Variants in ST6GALNAC1 observed in about 807,000 individuals in gnomAD.
The protein encoded by ST6GALNAC1 is ST6 N-acetylgalactosaminide alpha-2,6-sialyltransferase 1, also known as alpha-N-acetylgalactosaminide alpha-2,6-sialyltransferase 1.
A neutral mutation model predicts 56.8 loss-of-function variants in ST6GALNAC1; 45 were observed. That is an observed-to-expected ratio of 0.79 (90% CI 0.62 to 1.02). ST6GALNAC1 has a LOEUF of 1.02. Among genes scored for constraint, ST6GALNAC1 ranks in the 50% least tolerant of loss-of-function variants. The pLI, the probability that ST6GALNAC1 is intolerant of heterozygous loss-of-function variation, is 0.00. For missense variants in ST6GALNAC1, 743 were observed against 754.8 expected (o/e 0.98, Z 0.18); for synonymous variants, 295 against 297.8 (o/e 0.99, Z 0.10).
At chr17:76,620,953 A>G (rs1322375631), downstream of ST6GALNAC1, among the ~76,000 whole-genome samples, 1 of 152,016 alleles carries the variant, frequency 6.6e-6, no homozygotes, top group East Asian at 1.9e-4. Flanking sequence ...AATTTGTCCT[A>G]AGGCTGCCTC....
At chr17:76,619,696 T>C in the ST6GALNAC1 span, among the ~76,000 whole-genome samples, 1 of 152,034 alleles carries the variant, frequency 6.6e-6, no homozygotes, top group Non-Finnish European at 1.5e-5. Context: ...GAAATATTGT[T>C]TTGCCCATTC....
intron 1 of ST6GALNAC1, among the ~76,000 whole-genome samples, chr17:76,640,949 C>A (rs1267033349): frequency 1.3e-5 from 2 of 152,102 alleles, no homozygotes; most frequent in African/African-American, 4.8e-5. Flanking sequence ...CTCTAAGAAA[C>A]AAAAAGAGGT....
At chr17:76,639,671 ACACACAC>A in intron 1 of ST6GALNAC1, among the ~76,000 whole-genome samples, 1 of 149,544 alleles carries the variant, frequency 6.7e-6, no homozygotes, top group African/African-American at 2.5e-5. Context: ...ACACACACAC[ACACACAC>A]ACACACACAC....
At chr17:76,643,203 A>G (rs2076071814) in intron 1 of ST6GALNAC1, among the ~76,000 whole-genome samples, 1 of 152,224 alleles carries the variant, frequency 6.6e-6, no homozygotes, top group Admixed American at 6.5e-5. Flanking sequence ...CAGAGGGGAA[A>G]GCAGTCATGT....
In ST6GALNAC1 at chr17:76,625,463, G is replaced by T; in HGVS notation, c.1670C>A (p.Ser557Ter). Residue 557 changes from serine (S) to a stop codon, truncating the protein, a stop_gained, in exon 9 of 9, where the codon TCA (serine) becomes TAA (stop). Transcript: ENST00000156626. LOFTEE classifies it low-confidence loss of function (END_TRUNC). ...ERFSDHYYDTSWKRLIFYINH... is the reference protein window; with the variant it reads ...ERFSDHYYDT ...TATGTAAAAGATCAGCCGCTTCCAT[G>T]ATGTATCATAGTAGTGATCAGAAAA... 2 of 1,614,194 alleles carry T rather than the reference G, an allele frequency of 1.2e-6. No homozygotes were observed. Among genetic ancestry groups the T allele is most frequent in the Non-Finnish European group, 8.5e-7 (1 of 1,180,040 alleles).
At chr17:76,617,722 G>T in the ST6GALNAC1 span, among the ~76,000 whole-genome samples, 1 of 150,074 alleles carries the variant, frequency 6.7e-6, no homozygotes, top group African/African-American at 2.5e-5. Flanking sequence ...AGTGAGCTGC[G>T]ATCACGCCAC....
In ST6GALNAC1 at chr17:76,627,587, T is replaced by G; in HGVS notation, c.832-4A>C. ...TCTTCACAGAGTCAGGGCAAGTCTA[T>G]ATACAGGAGGACGAAGTCAGGAAGG... On this transcript the variant is annotated splice_region_variant and splice_polypyrimidine_tract_variant and intron_variant, in intron 2 of 8. Coordinates refer to ENST00000156626, the MANE Select transcript of ST6GALNAC1 (RefSeq NM_018414.5). The surrounding 1 kb of genome is among the most constrained non-coding windows in gnomAD (Gnocchi z 4.4). 1 of 1,613,548 alleles carries G rather than the reference T, an allele frequency of 6.2e-7. No individual in the cohort carries two copies. Among genetic ancestry groups the G allele is most frequent in the Non-Finnish European group, 8.5e-7 (1 of 1,179,760 alleles).
chr17:76,631,504 A>G (rs1474018759), intron 1 of ST6GALNAC1, among the ~76,000 whole-genome samples: 1 of 152,198 alleles, frequency 6.6e-6, no homozygotes, highest in Non-Finnish European at 1.5e-5. Context: ...AAGGAACCCA[A>G]GAGCAGGAAG....
chr17:76,642,343 G>C (rs2076060525), intron 1 of ST6GALNAC1, among the ~76,000 whole-genome samples: 1 of 152,154 alleles, frequency 6.6e-6, no homozygotes, highest in Admixed American at 6.6e-5. Flanking sequence ...TACTAGCAGG[G>C]TGACCTTGGG....
chr17:76,627,653 G>C lies in ST6GALNAC1; in HGVS notation c.832-70C>G, dbSNP rs976728978. ...GCCATCGGCCAGGGGCTGCACCACT[G>C]CAGCAAGGGCTGGGGCTCGCAGTTT... On this transcript the variant is annotated intron_variant, in intron 2 of 8. Transcript: ENST00000156626. The surrounding 1 kb of genome is among the most constrained non-coding windows in gnomAD (Gnocchi z 4.4). 5.4e-6 allele frequency: 8 copies of C among 1,470,584 alleles called. No homozygotes were observed. The highest frequency in any genetic ancestry group is 7.5e-6 in the Non-Finnish European group (8 of 1,071,864). 91.1% of individuals were successfully genotyped at this position (1,470,584 alleles called of 1,614,324 possible).
At chr17:76,639,296 G>T (rs1359261725) in intron 1 of ST6GALNAC1, among the ~76,000 whole-genome samples, 3 of 152,164 alleles carry the variant, frequency 2.0e-5, no homozygotes. Flanking sequence ...GACAATGCCG[G>T]CCGGGTGCGG....
chr17:76,619,252 A>C, the ST6GALNAC1 span, among the ~76,000 whole-genome samples: 1 of 152,206 alleles, frequency 6.6e-6, no homozygotes, highest in South Asian at 2.1e-4. Context: ...GGTTGCTTAT[A>C]GTGAAGAATG....
chr17:76,627,476 A>G lies in ST6GALNAC1; in HGVS notation c.939T>C (p.Ser313=), dbSNP rs1567953440. ...LFLDSRHFNQ[S]EWDRLEHFAP... ...CAAAGTGTTCCAGGCGGTCCCACTC[A>G]CTCTGGTTGAAGTGTCTGGAGTCCA... The change falls in exon 3 of 9, where the codon AGT becomes AGC. Residue 313 remains serine, a synonymous_variant. Transcript: ENST00000156626. This position sits in a 1 kb window ranked among gnomAD's most constrained non-coding sequence, Gnocchi z 4.4. 3 of 1,613,998 alleles carry G rather than the reference A, an allele frequency of 1.9e-6. No homozygotes were observed. Among genetic ancestry groups the G allele is most frequent in the Middle Eastern group, 3.3e-4 (2 of 6,060 alleles).
chr17:76,622,379 A>ATTT (rs1271722629), downstream of ST6GALNAC1, among the ~76,000 whole-genome samples: 6 of 150,492 alleles, frequency 4.0e-5, no homozygotes, highest in Non-Finnish European at 2.9e-5. Context: ...TATTATTATT[A>ATTT]TTTTGAGACA....
At chr17:76,642,880 C>T (rs2076066085) in intron 1 of ST6GALNAC1, among the ~76,000 whole-genome samples, 1 of 146,780 alleles carries the variant, frequency 6.8e-6, no homozygotes, top group Non-Finnish European at 1.5e-5. Context: ...GAGATCATGC[C>T]ACTGCACTCC....
chr17:76,625,311 A>G lies in ST6GALNAC1; in HGVS notation c.*19T>C. 5 of 1,609,976 alleles carry G rather than the reference A, an allele frequency of 3.1e-6. No individual in the cohort carries two copies. The highest frequency in any genetic ancestry group is 4.2e-6 in the Non-Finnish European group (5 of 1,178,756). On this transcript the variant is annotated 3_prime_UTR_variant, in exon 9 of 9. Coordinates refer to ENST00000156626, the MANE Select transcript of ST6GALNAC1 (RefSeq NM_018414.5). ...GTGCCTTGGAGCAGGCAAGGAGACC[A>G]TGGCAGCCCTGGCCCCGGTCAGTTC... is the stretch of plus-strand genomic sequence containing the variant.
At chr17:76,633,457 C>G (rs2143458777) in intron 1 of ST6GALNAC1, 1 of 152,446 alleles carries the variant, frequency 6.6e-6, no homozygotes, top group East Asian at 1.9e-4. Context: ...TTGCGGTGAA[C>G]CGAGATCGTG....
Position 76,626,272 on chromosome 17 carries a change from AG to A in ST6GALNAC1, c.1415+16del. 6.2e-7 allele frequency: 1 copy of A among 1,612,472 alleles called. No individual in the cohort carries two copies. Among genetic ancestry groups the A allele is most frequent in the Non-Finnish European group, 8.5e-7 (1 of 1,178,508 alleles). On this transcript the variant is annotated intron_variant, in intron 6 of 8. Coordinates refer to ENST00000156626, the MANE Select transcript of ST6GALNAC1 (RefSeq NM_018414.5). ...GCTCAGCCTGGGATAAGGGGATGGC[AG>A]GAGGACAGTGGGTACCTGAACCAGA...
intron 1 of ST6GALNAC1, among the ~76,000 whole-genome samples, chr17:76,630,951 G>A (rs948101366): frequency 2.7e-5 from 4 of 147,448 alleles, no homozygotes; most frequent in Non-Finnish European, 4.5e-5. Context: ...TTGGAGTGCA[G>A]TGGCACAATC....
Sources: allele counts gnomAD v4.1 joint callset (sites outside exome capture counted in the v4.1 genomes callset), GRCh38; gene constraint gnomAD v4.1.1; non-coding constraint Gnocchi (gnomAD v3.1); transcripts MANE v1.5; gene names NCBI Gene and HGNC (gene_info 2026-07-23, HGNC 2026-07-21).